The following SYN3 variants were observed in gnomAD, a reference collection of about 807,000 sequenced individuals.
The protein encoded by SYN3 is synapsin III.
In SYN3, 35 loss-of-function variants were observed where a neutral mutation model predicts 65.8. The ratio of observed to expected loss-of-function variants is 0.53; its 90% CI spans 0.41 to 0.70. SYN3 has a LOEUF of 0.70. SYN3 is among the 30% of genes least tolerant of loss of function. The pLI, the probability that SYN3 is intolerant of heterozygous loss-of-function variation, is 0.00. For synonymous variants in SYN3, 270 were observed against 292.9 expected, an observed-to-expected ratio of 0.92 and a Z score of 0.80; for missense variants, 680 against 749.0, an observed-to-expected ratio of 0.91 and a Z score of 1.08.
chr22:32,984,190 AAGAAAAG>A (rs1324460832), intron 2 of SYN3, among the ~76,000 whole-genome samples: 6 of 118,272 alleles, frequency 5.1e-5, no homozygotes, highest in Admixed American at 1.9e-4. Flanking sequence ...GAAAAAGAAA[AAGAAAAG>A]AAAAAAGAAA....
intron 3 of SYN3, among the ~76,000 whole-genome samples, chr22:32,957,411 C>T (rs2051499496): frequency 6.6e-6 from 1 of 152,190 alleles, no homozygotes; most frequent in Non-Finnish European, 1.5e-5. Flanking sequence ...GATGGCTTAG[C>T]ACTTCTCCTG....
intron 6 of SYN3, among the ~76,000 whole-genome samples, chr22:32,656,171 C>T (rs1270125782): frequency 1.3e-5 from 2 of 152,186 alleles, no homozygotes; most frequent in African/African-American, 4.8e-5. Flanking sequence ...TATATCCTTC[C>T]ATTCTGCAAA....
intron 3 of SYN3, among the ~76,000 whole-genome samples, chr22:32,977,775 G>A (rs570846318): frequency 1.2e-4 from 18 of 149,384 alleles, no homozygotes; most frequent in South Asian, 4.2e-4. Context: ...GTGACTTATC[G>A]CCCCTGGAAA....
chr22:32,857,795 T>G lies in SYN3; in HGVS notation c.711+7120A>C, dbSNP rs558482673. 2.6e-5 allele frequency among the ~76,000 whole-genome samples: 4 copies of G among 152,286 alleles called. No individual in the cohort carries two copies. The South Asian group carries it at 8.3e-4, about 32-fold the overall frequency. The stretch of plus-strand genomic sequence containing the variant: ...TCCAGTATTTAATGGGCTTGGGACC[T>G]TTGGCAAATCACTTTACCTCTCCAA... On this transcript the variant is annotated intron_variant, in intron 6 of 13. Transcript: ENST00000358763.
intron 3 of SYN3, among the ~76,000 whole-genome samples, chr22:32,933,192 C>T (rs185186485): frequency 8.7e-4 from 133 of 152,262 alleles, no homozygotes; most frequent in Non-Finnish European, 1.7e-3. Flanking sequence ...ACAGTAGATG[C>T]CAAAAGCAAT....
intron 6 of SYN3, among the ~76,000 whole-genome samples, chr22:32,829,215 C>T (rs2047502355): frequency 6.6e-6 from 1 of 152,198 alleles, no homozygotes; most frequent in Admixed American, 6.5e-5. Context: ...CCATGAGGTG[C>T]GTTGAACATT....
chr22:32,946,830 T>C (rs1453279083), intron 3 of SYN3, among the ~76,000 whole-genome samples: 1 of 152,186 alleles, frequency 6.6e-6, no homozygotes, highest in East Asian at 1.9e-4. Context: ...TTGTAGGAGA[T>C]TATGTCTAGA....
chr22:32,508,209 T>C lies in SYN3; in HGVS notation c.*5483A>G, dbSNP rs572574556. On this transcript the variant is annotated 3_prime_UTR_variant, in exon 14 of 14. Transcript: ENST00000358763. ...CGCCTTAACTGATGACATTCCACCATTGTGATTTGTTCCTGCCCCACCTTA... is the reference window on the plus strand; with the variant it reads ...CGCCTTAACTGATGACATTCCACCACTGTGATTTGTTCCTGCCCCACCTTA... Among the ~76,000 whole-genome samples the C allele has an allele frequency of 5.9e-5, 9 of 152,238 alleles. No homozygotes were observed. The highest frequency in any genetic ancestry group is 1.9e-4 in the East Asian group (1 of 5,172).
At chr22:32,782,223 C>T (rs983470170) in intron 6 of SYN3, among the ~76,000 whole-genome samples, 4 of 152,062 alleles carry the variant, frequency 2.6e-5, no homozygotes, top group African/African-American at 9.7e-5. Flanking sequence ...CGGGTGCCAC[C>T]ACGCTCGGCT....
At chr22:32,593,939 C>T (rs975912260) in intron 7 of SYN3, among the ~76,000 whole-genome samples, 5 of 152,042 alleles carry the variant, frequency 3.3e-5, no homozygotes, top group Admixed American at 6.5e-5. Context: ...GAGAAGCATG[C>T]ACCAGAGGCC....
intron 3 of SYN3, among the ~76,000 whole-genome samples, chr22:32,947,224 T>C (rs2051140853): frequency 6.6e-6 from 1 of 152,200 alleles, no homozygotes; most frequent in African/African-American, 2.4e-5. Context: ...GTCCATGGTC[T>C]ATTTAACTGT....
At chr22:32,706,698 C>T (rs1410446524) in intron 6 of SYN3, among the ~76,000 whole-genome samples, 1 of 152,246 alleles carries the variant, frequency 6.6e-6, no homozygotes, top group Admixed American at 6.5e-5. Context: ...AGCACACTGA[C>T]TTTGATCTGA....
intron 6 of SYN3, among the ~76,000 whole-genome samples, chr22:32,643,988 G>A (rs910047024): frequency 7.3e-6 from 1 of 137,752 alleles, no homozygotes; most frequent in Non-Finnish European, 1.5e-5. Flanking sequence ...TGAGGCAGGA[G>A]AATCGCTTGA....
chr22:32,642,551 C>T (rs909078013), intron 6 of SYN3, among the ~76,000 whole-genome samples: 1 of 151,920 alleles, frequency 6.6e-6, no homozygotes, highest in African/African-American at 2.4e-5. Flanking sequence ...CGCTATTCTC[C>T]TGCCTCAGCC....
At chr22:32,877,612 T>A (rs1438002970) in intron 4 of SYN3, among the ~76,000 whole-genome samples, 1 of 152,196 alleles carries the variant, frequency 6.6e-6, no homozygotes. Context: ...AAGTGTCCCC[T>A]GGGTGGAAAT....
chr22:32,553,050 G>C (rs970557652), intron 7 of SYN3, among the ~76,000 whole-genome samples: 5 of 152,192 alleles, frequency 3.3e-5, no homozygotes, highest in Non-Finnish European at 5.9e-5. Context: ...GCCACAGAGA[G>C]AGAGTGAGCA....
rs371452749 is a variant in SYN3, at chr22:32,968,039, C to T, written c.369+12606G>A. Among the ~76,000 whole-genome samples the T allele has an allele frequency of 8.5e-4, 130 of 152,312 alleles. 3 individuals carry two copies. The South Asian group carries it at 0.025, about 30-fold the overall frequency. On this transcript the variant is annotated intron_variant, in intron 3 of 13. Transcript: ENST00000358763. ...GCAAGTTGACATGTGCAGTGTGAAACGGCTTAGTCCAAGTGGCTGGACTAA... is the reference window on the plus strand; with the variant it reads ...GCAAGTTGACATGTGCAGTGTGAAATGGCTTAGTCCAAGTGGCTGGACTAA...
At chr22:32,527,140 G>T (rs1420648637) in intron 12 of SYN3, among the ~76,000 whole-genome samples, 1 of 152,176 alleles carries the variant, frequency 6.6e-6, no homozygotes, top group Admixed American at 6.5e-5. Context: ...AATGGCCAAG[G>T]TTTTATAGAT....
intron 6 of SYN3, among the ~76,000 whole-genome samples, chr22:32,670,632 A>T (rs989433812): frequency 3.3e-5 from 5 of 151,874 alleles, no homozygotes; most frequent in Non-Finnish European, 7.4e-5. Flanking sequence ...AAGAGGGATG[A>T]CTCCCTTTCT....
Sources: allele counts gnomAD v4.1 joint callset (sites outside exome capture counted in the v4.1 genomes callset), GRCh38; gene constraint gnomAD v4.1.1; transcripts MANE v1.5; gene names NCBI Gene and HGNC (gene_info 2026-07-23, HGNC 2026-07-21).